The following NKAIN3 variants were observed in gnomAD, a reference collection of about 807,000 sequenced individuals.
The protein encoded by NKAIN3 is sodium/potassium-transporting ATPase subunit beta-1-interacting protein 3.
NKAIN3 carries 25 observed loss-of-function variants against 30.2 expected under a neutral mutation model. The ratio of observed to expected loss-of-function variants is 0.83; its 90% CI spans 0.60 to 1.16. The LOEUF (loss-of-function observed/expected upper bound fraction) is 1.16, where lower values mean the gene tolerates loss of function less well. Among genes scored for constraint, NKAIN3 ranks in the 50% most tolerant of loss-of-function variants. The pLI is 0.00. For missense variants in NKAIN3, 225 were observed against 254.1 expected (o/e 0.89, Z 0.78); for synonymous variants, 91 against 89.6 (o/e 1.02, Z -0.09).
intron 1 of NKAIN3, among the ~76,000 whole-genome samples, chr8:62,505,095 T>C (rs910143268): frequency 1.3e-5 from 2 of 152,142 alleles, no homozygotes; most frequent in Non-Finnish European, 2.9e-5. Context: ...AAGAAAGAAA[T>C]TCAAATGCTA....
chr8:62,837,341 G>T (rs1425044036), intron 4 of NKAIN3, among the ~76,000 whole-genome samples: 1 of 152,108 alleles, frequency 6.6e-6, no homozygotes, highest in Non-Finnish European at 1.5e-5. Flanking sequence ...GATCACAACT[G>T]CTGAACCATA....
chr8:62,303,057 T>C (rs1814106819), intron 1 of NKAIN3, among the ~76,000 whole-genome samples: 3 of 150,460 alleles, frequency 2.0e-5, no homozygotes, highest in Admixed American at 2.0e-4. Context: ...CTGGTCATTG[T>C]TGTGGACCCT....
chr8:62,732,146 T>A (rs1484292336), intron 3 of NKAIN3, among the ~76,000 whole-genome samples: 1 of 152,154 alleles, frequency 6.6e-6, no homozygotes, highest in Non-Finnish European at 1.5e-5. Context: ...ATTGCACTTA[T>A]GACCCAAAAG....
At chr8:62,929,606 T>C (rs767338359) in intron 5 of NKAIN3, among the ~76,000 whole-genome samples, 4 of 152,218 alleles carry the variant, frequency 2.6e-5, no homozygotes, top group African/African-American at 4.8e-5. Context: ...TATGACTTTG[T>C]ACATTTTCAT....
intron 4 of NKAIN3, among the ~76,000 whole-genome samples, chr8:62,748,635 G>A (rs1816166162): frequency 6.6e-6 from 1 of 152,108 alleles, no homozygotes; most frequent in Non-Finnish European, 1.5e-5. Context: ...TTAAAATGAT[G>A]TTTCAGAGCA....
chr8:62,904,883 G>A (rs1821731594), intron 4 of NKAIN3, among the ~76,000 whole-genome samples: 1 of 152,126 alleles, frequency 6.6e-6, no homozygotes, highest in South Asian at 2.1e-4. Context: ...CCTTATTCAA[G>A]GAGTATGATG....
Position 62,270,360 on chromosome 8 carries a change from T to G in NKAIN3, c.54+21233T>G, listed in dbSNP as rs1186217450. ...GCCTCTCAAAGTGCTGGGATTACAG[T>G]CATGAGCCCCTGGGCCCAGCCCATA... is the stretch of plus-strand genomic sequence containing the variant. On this transcript the variant is annotated intron_variant, in intron 1 of 6. Transcript: ENST00000623646. Among the ~76,000 whole-genome samples, 3 of 152,126 alleles carry G rather than the reference T, an allele frequency of 2.0e-5. No homozygotes were observed. In the East Asian group the frequency reaches 5.8e-4, roughly 29 times the overall value.
At chr8:62,868,616 G>A (rs1331658959) in intron 4 of NKAIN3, among the ~76,000 whole-genome samples, 1 of 152,154 alleles carries the variant, frequency 6.6e-6, no homozygotes, top group African/African-American at 2.4e-5. Flanking sequence ...TTGGGACCCT[G>A]TTGTGATAAT....
At chr8:62,468,681 T>G (rs1306067155) in intron 1 of NKAIN3, among the ~76,000 whole-genome samples, 1 of 152,212 alleles carries the variant, frequency 6.6e-6, no homozygotes, top group Non-Finnish European at 1.5e-5. Context: ...TTATTCAAAT[T>G]TTCTTGTAAT....
At chr8:62,660,468 A>C (rs1188781290) in intron 3 of NKAIN3, among the ~76,000 whole-genome samples, 1 of 151,962 alleles carries the variant, frequency 6.6e-6, no homozygotes, top group African/African-American at 2.4e-5. Context: ...TTCTAACAGT[A>C]GTGAAGAGCC....
At chr8:62,407,560 A>G (rs959521554) in intron 1 of NKAIN3, among the ~76,000 whole-genome samples, 22 of 151,980 alleles carry the variant, frequency 1.4e-4, no homozygotes, top group African/African-American at 5.1e-4. Flanking sequence ...CACCACACCC[A>G]GCTAACTTTT....
chr8:62,380,217 G>A (rs574202735), intron 1 of NKAIN3, among the ~76,000 whole-genome samples: 3 of 152,140 alleles, frequency 2.0e-5, no homozygotes, highest in African/African-American at 7.2e-5. Context: ...TCCCTGTTAT[G>A]AGAAGAGTTT....
At chr8:62,474,912 T>C (rs1189700931) in intron 1 of NKAIN3, among the ~76,000 whole-genome samples, 1 of 152,206 alleles carries the variant, frequency 6.6e-6, no homozygotes, top group Non-Finnish European at 1.5e-5. Context: ...AATTAAAATT[T>C]CTTACAGTAT....
chr8:62,735,311 T>C (rs1815612585), intron 3 of NKAIN3, among the ~76,000 whole-genome samples: 1 of 152,018 alleles, frequency 6.6e-6, no homozygotes, highest in Non-Finnish European at 1.5e-5. Flanking sequence ...GTTTTTCTTT[T>C]CTTTGTCTTC....
chr8:62,995,341 T>C (rs1240070911), intron 5 of NKAIN3, among the ~76,000 whole-genome samples: 3 of 152,176 alleles, frequency 2.0e-5, no homozygotes, highest in Non-Finnish European at 4.4e-5. Context: ...TTATTCAAAA[T>C]GGCTGCATGG....
At chr8:62,628,620 C>T (rs1811859529) in intron 3 of NKAIN3, among the ~76,000 whole-genome samples, 1 of 151,954 alleles carries the variant, frequency 6.6e-6, no homozygotes, top group African/African-American at 2.4e-5. Context: ...AGCAGTTATC[C>T]TTTTTTCTCA....
At position 62,984,134 on chromosome 8, in the gene NKAIN3, C is replaced by T. The variant is rs1423660249; in HGVS notation, c.*18727C>T. 4 of 152,134 alleles carry T rather than the reference C, an allele frequency of 2.6e-5. No homozygotes were observed. Among genetic ancestry groups the T allele is most frequent in the Admixed American group, 6.5e-5 (1 of 15,284 alleles). 9.4% of individuals were successfully genotyped at this position (152,134 alleles called of 1,614,324 possible). A position where few individuals can be genotyped will look rare whatever the true frequency, so the allele number is the denominator to read the frequency against. ...ATGTTGATGATGATTATTGAAAGCA[C>T]GATAGCAATGTTTAAGTGGTGAGAA... On this transcript the variant is annotated 3_prime_UTR_variant, in exon 7 of 7. Coordinates refer to ENST00000623646, the MANE Select transcript of NKAIN3 (RefSeq NM_001304533.3).
At chr8:62,493,934 T>C (rs968489584) in intron 1 of NKAIN3, among the ~76,000 whole-genome samples, 1 of 152,136 alleles carries the variant, frequency 6.6e-6, no homozygotes, top group African/African-American at 2.4e-5. Context: ...GTCGAGACTC[T>C]AGGGTTTTCT....
At chr8:62,376,146 A>C (rs763995251) in intron 1 of NKAIN3, among the ~76,000 whole-genome samples, 9 of 152,224 alleles carry the variant, frequency 5.9e-5, no homozygotes, top group Non-Finnish European at 1.2e-4. Context: ...TACCACAGAG[A>C]GTTCCCCCAG....
Sources: gnomAD v4.1 joint callset for allele counts (sites outside exome capture counted in the v4.1 genomes callset) on GRCh38, gnomAD v4.1.1 for gene constraint, MANE v1.5 for transcripts, NCBI Gene and HGNC (gene_info 2026-07-23, HGNC 2026-07-21) for gene names.